Variants in SGCZ observed in about 807,000 individuals in gnomAD.
SGCZ encodes zeta-sarcoglycan.
A neutral mutation model predicts 41.3 loss-of-function variants in SGCZ; 40 were observed. That is an observed-to-expected ratio of 0.97 (90% CI 0.75 to 1.26). The LOEUF is 1.26. SGCZ is among the 50% of genes most tolerant of loss of function. SGCZ has a pLI of 0.00. For synonymous variants in SGCZ, 206 were observed against 137.5 expected (o/e 1.50, Z -3.49); for missense variants, 552 against 369.8 (o/e 1.49, Z -4.04).
At chr8:14,644,389 C>T (rs1807137713) in intron 1 of SGCZ, among the ~76,000 whole-genome samples, 1 of 151,802 alleles carries the variant, frequency 6.6e-6, no homozygotes, top group Non-Finnish European at 1.5e-5. Context: ...GCAAGCTGCC[C>T]TGCAGAATTC....
intron 1 of SGCZ, among the ~76,000 whole-genome samples, chr8:15,171,459 T>G (rs977452466): frequency 6.6e-6 from 1 of 152,198 alleles, no homozygotes; most frequent in Non-Finnish European, 1.5e-5. Context: ...TGTGCAATGA[T>G]GGAAGCACCC....
At chr8:14,924,127 C>T (rs918973185) in intron 1 of SGCZ, among the ~76,000 whole-genome samples, 1 of 152,154 alleles carries the variant, frequency 6.6e-6, no homozygotes, top group Non-Finnish European at 1.5e-5. Context: ...TTTTGTCTCA[C>T]GTTTGTTCTA....
At chr8:14,643,062 C>A (rs915728441) in intron 1 of SGCZ, among the ~76,000 whole-genome samples, 1 of 151,586 alleles carries the variant, frequency 6.6e-6, no homozygotes, top group South Asian at 2.1e-4. Flanking sequence ...ATGTGCTATA[C>A]TATTGCTTTC....
chr8:15,018,123 A>G (rs575621463), intron 1 of SGCZ, among the ~76,000 whole-genome samples: 7 of 152,240 alleles, frequency 4.6e-5, no homozygotes, highest in Admixed American at 2.0e-4. Flanking sequence ...AGTTAATTAT[A>G]CATATTCTAC....
At chr8:14,137,077 T>C (rs1026241555) in intron 5 of SGCZ, among the ~76,000 whole-genome samples, 7 of 152,150 alleles carry the variant, frequency 4.6e-5, no homozygotes, top group Non-Finnish European at 8.8e-5. Context: ...CCTGCAGCTA[T>C]GGGTCCTGAC....
intron 1 of SGCZ, among the ~76,000 whole-genome samples, chr8:14,675,592 C>T (rs564998627): frequency 1.3e-5 from 2 of 152,124 alleles, no homozygotes; most frequent in South Asian, 2.1e-4. Flanking sequence ...AAAAAATATA[C>T]ACTGAGCTCC....
chr8:14,917,604 C>T (rs192757661), intron 1 of SGCZ, among the ~76,000 whole-genome samples: 89 of 152,138 alleles, frequency 5.8e-4, no homozygotes, highest in African/African-American at 1.9e-3. Context: ...TAGAAACTGA[C>T]CAACCAAACA....
Position 14,237,615 on chromosome 8 carries a change from T to A in SGCZ, c.401A>T (p.Gln134Leu), listed in dbSNP as rs563238786. 5 of 1,613,964 alleles carry A rather than the reference T, an allele frequency of 3.1e-6. No individual in the cohort carries two copies. In the African/African-American group the frequency reaches 6.7e-5, roughly 22 times the overall value. Reference protein sequence around the residue: ...VTVNARNHMGQLTGQLTIGAD... With the variant: ...VTVNARNHMGLLTGQLTIGAD... ...ACCTATGGTCAGCTGTCCGGTTAAC[T>A]GCCCCATGTGATTTCTTGCATTCAC... Residue 134 changes from glutamine (Q) to leucine (L), a missense_variant, in exon 4 of 8, where the codon CAG becomes CTG. Gln to Leu is a moderately radical substitution (Grantham distance 113, BLOSUM62 -2). Transcript: ENST00000382080.
intron 5 of SGCZ, among the ~76,000 whole-genome samples, chr8:14,129,321 G>A (rs1422053092): frequency 7.3e-6 from 1 of 136,342 alleles, no homozygotes; most frequent in Non-Finnish European, 1.5e-5. Context: ...ACTCCAGCCT[G>A]GGTGACAGAG....
intron 3 of SGCZ, among the ~76,000 whole-genome samples, chr8:14,315,833 C>T (rs1326762993): frequency 6.7e-6 from 1 of 149,110 alleles, no homozygotes; most frequent in African/African-American, 2.5e-5. Flanking sequence ...AAAACTGGTT[C>T]TAAGTAAAAT....
intron 1 of SGCZ, among the ~76,000 whole-genome samples, chr8:15,214,019 T>C (rs1256504527): frequency 2.0e-5 from 3 of 152,086 alleles, no homozygotes; most frequent in Non-Finnish European, 4.4e-5. Flanking sequence ...TATTTTAAAA[T>C]GCATTCCTAT....
intron 1 of SGCZ, among the ~76,000 whole-genome samples, chr8:14,862,982 G>A (rs947658338): frequency 1.3e-5 from 2 of 152,078 alleles, no homozygotes; most frequent in African/African-American, 4.8e-5. Flanking sequence ...GGCCTTCCAA[G>A]TTGAAGGGAA....
chr8:14,794,739 G>C (rs999126468), intron 1 of SGCZ, among the ~76,000 whole-genome samples: 3 of 152,100 alleles, frequency 2.0e-5, no homozygotes, highest in Non-Finnish European at 4.4e-5. Flanking sequence ...CATAGCATTG[G>C]GAATTTTCAG....
intron 1 of SGCZ, among the ~76,000 whole-genome samples, chr8:15,086,742 G>T (rs936835657): frequency 6.6e-6 from 1 of 151,958 alleles, no homozygotes; most frequent in Non-Finnish European, 1.5e-5. Flanking sequence ...TGTGGACCTG[G>T]AATATTTTCA....
chr8:14,347,205 G>C (rs899970801), intron 2 of SGCZ, among the ~76,000 whole-genome samples: 1 of 151,998 alleles, frequency 6.6e-6, no homozygotes, highest in Non-Finnish European at 1.5e-5. Context: ...ATTTGATAGA[G>C]CCTGGCATCA....
intron 2 of SGCZ, among the ~76,000 whole-genome samples, chr8:14,531,924 C>A (rs965397509): frequency 1.3e-5 from 2 of 151,932 alleles, no homozygotes; most frequent in African/African-American, 2.4e-5. Context: ...ATGAAACAAG[C>A]CTTAATTTAA....
At chr8:14,551,113 A>AT (rs1803795033) in intron 2 of SGCZ, among the ~76,000 whole-genome samples, 3 of 140,218 alleles carry the variant, frequency 2.1e-5, no homozygotes, top group African/African-American at 5.3e-5. Context: ...TTATATTGTA[A>AT]TTCTTTTTTT....
chr8:14,843,607 T>C (rs1802999696), intron 1 of SGCZ, among the ~76,000 whole-genome samples: 1 of 152,124 alleles, frequency 6.6e-6, no homozygotes. Context: ...CATGTGCAAG[T>C]GTGTTTTTGC....
chr8:15,148,353 T>C (rs1799089979), intron 1 of SGCZ, among the ~76,000 whole-genome samples: 1 of 152,176 alleles, frequency 6.6e-6, no homozygotes, highest in African/African-American at 2.4e-5. Context: ...ATGAACTTCA[T>C]TCTGGAAAAA....
Sources: allele counts gnomAD v4.1 joint callset (sites outside exome capture counted in the v4.1 genomes callset), GRCh38; gene constraint gnomAD v4.1.1; transcripts MANE v1.5; gene names NCBI Gene and HGNC (gene_info 2026-07-23, HGNC 2026-07-21).